EBF3: variants seen among roughly 807,000 people sequenced by gnomAD.
EBF3 encodes EBF transcription factor 3.
Under a neutral mutation model 77.1 loss-of-function variants are expected in EBF3, and 18 were observed. That is an observed-to-expected ratio of 0.23 (90% CI 0.16 to 0.35). The LOEUF is 0.35. EBF3 is among the 10% of genes least tolerant of loss of function. The probability of loss-of-function intolerance (pLI) is 1.00; values close to 1 mark genes in which losing one functional copy is unlikely to be tolerated. For synonymous variants in EBF3, 350 were observed against 343.5 expected, an observed-to-expected ratio of 1.02 and a Z score of -0.21; for missense variants, 558 against 860.0, an observed-to-expected ratio of 0.65 and a Z score of 4.39.
At chr10:129,930,321 A>G (rs1415222123) in intron 6 of EBF3, among the ~76,000 whole-genome samples, 3 of 151,712 alleles carry the variant, frequency 2.0e-5, no homozygotes, top group Non-Finnish European at 2.9e-5. Flanking sequence ...TCCCCCTCTC[A>G]TATATCTATA....
At chr10:129,958,772 G>C (rs1014913913) in intron 5 of EBF3, among the ~76,000 whole-genome samples, 162 bp downstream of exon 5, 5 of 152,132 alleles carry the variant, frequency 3.3e-5, no homozygotes, top group Non-Finnish European at 7.4e-5. Flanking sequence ...GAAGGAGCGC[G>C]GGCTCCTCCG....
rs1858029065 is a variant in EBF3 at position 129,944,461 on chromosome 10, T to C, written c.554+12797A>G. Reference sequence around the variant, plus strand: ...GCAAACCTGCAGAAGTTTTTAATCATAAGGTAAATCAAGACCTGGAACATA... The same window carrying C: ...GCAAACCTGCAGAAGTTTTTAATCACAAGGTAAATCAAGACCTGGAACATA... On this transcript the variant is annotated intron_variant, in intron 6 of 16. Transcript: ENST00000440978. The surrounding 1 kb of genome is among the most constrained non-coding windows in gnomAD (Gnocchi z 5.1). 6.6e-6 allele frequency among the ~76,000 whole-genome samples: 1 copy of C among 152,240 alleles called. No homozygotes were observed. Among genetic ancestry groups the C allele is most frequent in the South Asian group, 2.1e-4 (1 of 4,834 alleles).
At chr10:129,865,075 C>T (rs919307045) in intron 10 of EBF3, among the ~76,000 whole-genome samples, 1 of 152,218 alleles carries the variant, frequency 6.6e-6, no homozygotes, top group African/African-American at 2.4e-5. Context: ...ACAGCCTCTA[C>T]AGCCAGATGT....
At chr10:129,884,356 C>T (rs545418588) in intron 6 of EBF3, among the ~76,000 whole-genome samples, 7 of 152,268 alleles carry the variant, frequency 4.6e-5, no homozygotes, top group African/African-American at 9.6e-5. Context: ...CAGGTCAATA[C>T]GTATTGGATT....
chr10:129,845,037 T>C (rs1019964421), intron 11 of EBF3, among the ~76,000 whole-genome samples: 5 of 152,242 alleles, frequency 3.3e-5, no homozygotes, highest in African/African-American at 7.2e-5. Context: ...CATATGGTAC[T>C]TTGCAATTGG....
At chr10:129,889,503 G>A (rs1199922731) in intron 6 of EBF3, among the ~76,000 whole-genome samples, 1 of 152,162 alleles carries the variant, frequency 6.6e-6, no homozygotes, top group African/African-American at 2.4e-5. Flanking sequence ...TTGTCGGACG[G>A]TTCCATCATC....
At chr10:129,875,816 G>A (rs1852736442) in intron 7 of EBF3, among the ~76,000 whole-genome samples, 1 of 152,216 alleles carries the variant, frequency 6.6e-6, no homozygotes, top group Non-Finnish European at 1.5e-5. Context: ...GGGCCTGGCA[G>A]CCTCTGCCTG....
chr10:129,963,568 G>A lies in EBF3; in HGVS notation c.135-45C>T. On this transcript the variant is annotated intron_variant, in intron 1 of 16. Transcript: ENST00000440978. The surrounding 1 kb of genome is among the most constrained non-coding windows in gnomAD (Gnocchi z 7.1). ...GCGGCCCGGTGAGGAGCGCGGCGCC[G>A]GCCGGCGGAGGGGGCCGGGCCGGGC... 1 of 1,294,636 alleles carries A rather than the reference G, an allele frequency of 7.7e-7. No individual in the cohort carries two copies. The highest frequency in any genetic ancestry group is 2.0e-5 in the South Asian group (1 of 49,862). 80.2% of individuals were successfully genotyped at this position (1,294,636 alleles called of 1,614,324 possible). A position where few individuals can be genotyped will look rare whatever the true frequency, so the allele number is the denominator to read the frequency against.
At chr10:129,859,004 G>A (rs1281353220) in intron 10 of EBF3, among the ~76,000 whole-genome samples, 6 of 152,156 alleles carry the variant, frequency 3.9e-5, no homozygotes, top group African/African-American at 1.4e-4. Flanking sequence ...AATTTCGCAC[G>A]CTCCGTAATG....
At position 129,842,992 on chromosome 10, in the gene EBF3, T is replaced by C. The variant is rs947499217; in HGVS notation, c.1194+145A>G. On this transcript the variant is annotated intron_variant, in intron 12 of 16. Transcript: ENST00000440978. The surrounding 1 kb of genome is among the most constrained non-coding windows in gnomAD (Gnocchi z 4.4). ...CGTGAACCTAGCGTGAGGGCAAGGA[T>C]GGGAAGCCATTCTCACATCAGACTC... 7.0e-5 allele frequency: 52 copies of C among 739,340 alleles called. No homozygotes were observed. The highest frequency in any genetic ancestry group is 2.7e-5 in the East Asian group (1 of 36,636). The allele number at this position is 739,340 out of a possible 1,614,324, so 45.8% of individuals were successfully genotyped here. A position where few individuals can be genotyped will look rare whatever the true frequency, so the allele number is the denominator to read the frequency against.
chr10:129,851,420 G>A, intron 10 of EBF3, among the ~76,000 whole-genome samples: 1 of 152,160 alleles, frequency 6.6e-6, no homozygotes. Flanking sequence ...TTTATTCCCA[G>A]GAATTGTTTA....
rs1206633643 is a variant in EBF3, at chr10:129,938,127, C to G, written c.554+19131G>C. 6.6e-6 allele frequency among the ~76,000 whole-genome samples: 1 copy of G among 152,206 alleles called. No individual in the cohort carries two copies. The highest frequency in any genetic ancestry group is 1.5e-5 in the Non-Finnish European group (1 of 68,042). On this transcript the variant is annotated intron_variant, in intron 6 of 16. Transcript: ENST00000440978. The surrounding 1 kb of genome is among the most constrained non-coding windows in gnomAD (Gnocchi z 5.1). ...CTTCAGCAGCACCTGGCAGGAGACT[C>G]TCTTCTGCTCCTGCTGAGTTTTTGT... is the stretch of plus-strand genomic sequence containing the variant.
At chr10:129,849,587 C>G (rs916218099) in intron 10 of EBF3, among the ~76,000 whole-genome samples, 3 of 152,194 alleles carry the variant, frequency 2.0e-5, no homozygotes, top group Non-Finnish European at 2.9e-5. Flanking sequence ...GGTCACCGTT[C>G]TCGAGTGCTT....
intron 10 of EBF3, among the ~76,000 whole-genome samples, chr10:129,850,026 C>T (rs1025569081): frequency 9.9e-5 from 15 of 152,222 alleles, no homozygotes; most frequent in African/African-American, 3.6e-4. Flanking sequence ...AAGCATAGTT[C>T]GGGCCGCGGG....
Position 129,848,620 on chromosome 10 carries a change from G to A in EBF3, c.1040-140C>T, listed in dbSNP as rs1850641179. The A allele has an allele frequency of 1.2e-6, 1 of 818,722 alleles. No homozygotes were observed. The allele number at this position is 818,722 out of a possible 1,614,324, so 50.7% of individuals were successfully genotyped here. On this transcript the variant is annotated intron_variant, in intron 10 of 16. Coordinates refer to ENST00000440978, the MANE Select transcript of EBF3 (RefSeq NM_001375380.1). The surrounding 1 kb of genome is among the most constrained non-coding windows in gnomAD (Gnocchi z 4.4). ...GCAAGCACCCCTGAATACTAGCTGT[G>A]TCTTAAGGAATAGATTTTCCCCCTT... is the stretch of plus-strand genomic sequence containing the variant.
In EBF3 at chr10:129,861,327, C is replaced by T. The variant is rs192900208; in HGVS notation, c.1039+5814G>A. 8.1e-3 allele frequency among the ~76,000 whole-genome samples: 1,213 copies of T among 149,660 alleles called. 16 individuals are homozygous for T. The highest frequency in any genetic ancestry group is 0.027 in the African/African-American group (1,063 of 39,816). On this transcript the variant is annotated intron_variant, in intron 10 of 16. Coordinates refer to ENST00000440978, the MANE Select transcript of EBF3 (RefSeq NM_001375380.1). The surrounding 1 kb of genome is among the most constrained non-coding windows in gnomAD (Gnocchi z 4.3). The stretch of plus-strand genomic sequence containing the variant: ...CAGATGCACGCCACCCCACTTGGTA[C>T]GAAAAAAAAAGTCACCCTTTGCCAT...
intron 6 of EBF3, among the ~76,000 whole-genome samples, chr10:129,892,655 T>C (rs1854102092): frequency 6.6e-6 from 1 of 152,236 alleles, no homozygotes; most frequent in Admixed American, 6.5e-5. Context: ...AAATAGAGTA[T>C]GATTAGTCCA....
intron 10 of EBF3, among the ~76,000 whole-genome samples, chr10:129,853,555 C>T (rs1024959479): frequency 1.3e-5 from 2 of 152,198 alleles, no homozygotes; most frequent in Non-Finnish European, 2.9e-5. Context: ...TCTGCAGTTC[C>T]TTTTCCGAGG....
chr10:129,958,863 G>T, intron 5 of EBF3, 71 bp downstream of exon 5: 1 of 1,501,514 alleles, frequency 6.7e-7, no homozygotes, highest in Non-Finnish European at 8.9e-7. Flanking sequence ...GCGCCTGGAC[G>T]CGGCGTCCTT....
Sources: gnomAD v4.1 joint callset for allele counts (sites outside exome capture counted in the v4.1 genomes callset) on GRCh38, gnomAD v4.1.1 for gene constraint, Gnocchi (gnomAD v3.1) non-coding constraint, MANE v1.5 for transcripts, NCBI Gene and HGNC (gene_info 2026-07-23, HGNC 2026-07-21) for gene names.